FRAS1: variants seen among roughly 807,000 people sequenced by gnomAD.
FRAS1 encodes Fraser extracellular matrix complex subunit 1.
A neutral mutation model predicts 435.2 loss-of-function variants in FRAS1; 290 were observed. The ratio of observed to expected loss-of-function variants is 0.67; its 90% CI spans 0.61 to 0.73. The LOEUF is 0.73. FRAS1 is among the 30% of genes least tolerant of loss of function. FRAS1 has a pLI of 0.00. For missense variants in FRAS1, 4,860 were observed against 5,001.5 expected, an observed-to-expected ratio of 0.97 and a Z score of 0.85; for synonymous variants, 1,800 against 1,851.0, an observed-to-expected ratio of 0.97 and a Z score of 0.71.
chr4:78,364,312 T>TG (rs1731185781), intron 22 of FRAS1, among the ~76,000 whole-genome samples: 1 of 152,238 alleles, frequency 6.6e-6, no homozygotes, highest in South Asian at 2.1e-4. Context: ...GGCAGGTTAT[T>TG]TAACTTCTCT....
chr4:78,535,560 T>C (rs755715812), intron 71 of FRAS1, among the ~76,000 whole-genome samples: 5 of 152,100 alleles, frequency 3.3e-5, no homozygotes, highest in African/African-American at 4.8e-5. Flanking sequence ...AATCTCAGGG[T>C]TATCCTCAAC....
chr4:78,334,909 C>T (rs1231549832), intron 19 of FRAS1, among the ~76,000 whole-genome samples: 2 of 151,982 alleles, frequency 1.3e-5, no homozygotes, highest in Non-Finnish European at 1.5e-5. Context: ...TAGGCATACA[C>T]CACCATGCCC....
At chr4:78,191,851 TC>T (rs760728779) in intron 2 of FRAS1, among the ~76,000 whole-genome samples, 2 of 152,190 alleles carry the variant, frequency 1.3e-5, no homozygotes, top group Non-Finnish European at 2.9e-5. Context: ...TTCATCCATG[TC>T]CCTACAAAGG....
intron 47 of FRAS1, among the ~76,000 whole-genome samples, chr4:78,463,581 G>A (rs2109845291): frequency 6.6e-6 from 1 of 152,344 alleles, no homozygotes; most frequent in South Asian, 2.1e-4. Context: ...GTGTAGCCAA[G>A]CCCTGTAACG....
intron 2 of FRAS1, among the ~76,000 whole-genome samples, chr4:78,073,946 C>A (rs1357793384): frequency 6.6e-6 from 1 of 152,094 alleles, no homozygotes; most frequent in African/African-American, 2.4e-5. Flanking sequence ...CAGCTAAGTT[C>A]TTTTAGCAAT....
chr4:78,266,472 T>G (rs1726361704), intron 7 of FRAS1, among the ~76,000 whole-genome samples: 1 of 152,180 alleles, frequency 6.6e-6, no homozygotes, highest in Non-Finnish European at 1.5e-5. Context: ...AAAGTGAGTA[T>G]ATGGCAGTGA....
At chr4:78,182,136 C>T (rs1413926584) in intron 2 of FRAS1, 4 of 951,932 alleles carry the variant, frequency 4.2e-6, no homozygotes, top group East Asian at 5.3e-5. Context: ...ACAAGATGGC[C>T]GGGCCAAGAT....
chr4:78,280,268 C>T (rs760298224), intron 10 of FRAS1, among the ~76,000 whole-genome samples: 1 of 152,116 alleles, frequency 6.6e-6, no homozygotes, highest in Non-Finnish European at 1.5e-5. Flanking sequence ...AACATAAGCA[C>T]TGTGATACTG....
chr4:78,526,588 T>C lies in FRAS1; in HGVS notation c.10856T>C (p.Val3619Ala). ...ACCATCTACCTGATCCCTTGCACAG[T>C]GCAGCCCACACAGCCATGGGTTGAC... ...EYTIYLIPCT[V>A]QPTQPWVDPG... is the part of the protein sequence containing the mutation. Residue 3619 changes from valine (V) to alanine (A), a missense_variant, in exon 70 of 74, where the codon GTG (valine) becomes GCG (alanine). Physicochemically the swap from Val to Ala is moderately conservative, Grantham distance 64. Coordinates refer to ENST00000512123, the MANE Select transcript of FRAS1 (RefSeq NM_025074.7). 1 of 1,602,918 alleles carries C rather than the reference T, an allele frequency of 6.2e-7. No individual in the cohort carries two copies. Among genetic ancestry groups the C allele is most frequent in the Non-Finnish European group, 8.5e-7 (1 of 1,175,134 alleles).
rs1733804316 is a variant in FRAS1 at position 78,421,920 on chromosome 4, A to AT, written c.4599dup (p.Ile1534TyrfsTer2). On this transcript the variant is annotated frameshift_variant, in exon 34 of 74. Transcript: ENST00000512123. LOFTEE classifies it high-confidence loss of function. Reference sequence around the variant, plus strand: ...CCTATCCGGTATTTCACGCAAGAGGATATTAACCAGGGCAAAGTCATGTAC... The same window carrying AT: ...CCTATCCGGTATTTCACGCAAGAGGATTATTAACCAGGGCAAAGTCATGTAC... 6.2e-7 allele frequency: 1 copy of AT among 1,613,676 alleles called. No homozygotes were observed. The highest frequency in any genetic ancestry group is 1.3e-5 in the African/African-American group (1 of 74,872).
intron 56 of FRAS1, among the ~76,000 whole-genome samples, chr4:78,480,932 T>C (rs528672250): frequency 6.6e-6 from 1 of 152,340 alleles, no homozygotes; most frequent in South Asian, 2.1e-4. Flanking sequence ...TAATATTCTA[T>C]GGAAGAGAGA....
chr4:78,277,538 T>C (rs1406879863), intron 9 of FRAS1, among the ~76,000 whole-genome samples: 1 of 152,152 alleles, frequency 6.6e-6, no homozygotes, highest in African/African-American at 2.4e-5. Flanking sequence ...GCTACAGATA[T>C]TATATGTTAG....
At position 78,163,266 on chromosome 4, in the gene FRAS1, A is replaced by G. The variant is rs958446017; in HGVS notation, c.109-74244A>G. On this transcript the variant is annotated intron_variant, in intron 2 of 73. Coordinates refer to ENST00000512123, the MANE Select transcript of FRAS1 (RefSeq NM_025074.7). ...TTTTTATGAGTAAATTTACATGTAT[A>G]GATTGTAGATATACAACTCCACTTA... 2.0e-5 allele frequency among the ~76,000 whole-genome samples: 3 copies of G among 152,208 alleles called. No individual in the cohort carries two copies. In the East Asian group the frequency reaches 5.8e-4, roughly 29 times the overall value.
At chr4:78,113,265 G>T (rs1209429070) in intron 2 of FRAS1, among the ~76,000 whole-genome samples, 1 of 152,112 alleles carries the variant, frequency 6.6e-6, no homozygotes, top group African/African-American at 2.4e-5. Context: ...CTTTGCTATT[G>T]TGAATAGTGC....
In FRAS1 at chr4:78,540,524, C is replaced by T. The variant is rs1024936587; in HGVS notation, c.11446-7C>T. 7 of 1,485,232 alleles carry T rather than the reference C, an allele frequency of 4.7e-6. No homozygotes were observed. The highest frequency in any genetic ancestry group is 4.2e-5 in the African/African-American group (3 of 71,208). 92.0% of individuals were successfully genotyped at this position (1,485,232 alleles called of 1,614,324 possible). ...AACAACAACATGTTCGGTTTGTCCC[C>T]CTGCAGGTGGAAGCAGGACACCAGT... On this transcript the variant is annotated splice_polypyrimidine_tract_variant and splice_region_variant and intron_variant, in intron 73 of 73. Coordinates refer to ENST00000512123, the MANE Select transcript of FRAS1 (RefSeq NM_025074.7).
At chr4:78,479,771 G>A in intron 56 of FRAS1, 53 bp downstream of exon 56, 13 of 1,381,050 alleles carry the variant, frequency 9.4e-6, no homozygotes, top group Non-Finnish European at 1.3e-5. Context: ...TTCCTTTCTT[G>A]AGCAGTTTTC....
At chr4:78,250,189 T>C (rs920074864) in intron 4 of FRAS1, among the ~76,000 whole-genome samples, 8 of 152,092 alleles carry the variant, frequency 5.3e-5, no homozygotes, top group African/African-American at 1.9e-4. Context: ...GAGAAAAGTA[T>C]ACAAGCAGAA....
At chr4:78,115,819 G>C (rs1486923203) in intron 2 of FRAS1, among the ~76,000 whole-genome samples, 12 of 150,880 alleles carry the variant, frequency 8.0e-5, no homozygotes, top group African/African-American at 2.2e-4. Context: ...TTTTTTGTGT[G>C]TCTATTTCCT....
chr4:78,096,071 T>TTACAGGCATTGGGTAAA (rs1741789191), intron 2 of FRAS1, among the ~76,000 whole-genome samples: 1 of 152,066 alleles, frequency 6.6e-6, no homozygotes, highest in Non-Finnish European at 1.5e-5. Flanking sequence ...TACAATGGAG[T>TTACAGGCATTGGGTAAA]TACAGGCATT....
Sources: gnomAD v4.1 joint callset for allele counts (sites outside exome capture counted in the v4.1 genomes callset) on GRCh38, gnomAD v4.1.1 for gene constraint, MANE v1.5 for transcripts, NCBI Gene and HGNC (gene_info 2026-07-23, HGNC 2026-07-21) for gene names.